The following ZNF536 variants were observed in gnomAD, a reference collection of about 807,000 sequenced individuals.
The protein encoded by ZNF536 is zinc finger protein 536.
In ZNF536, 13 loss-of-function variants were observed where a neutral mutation model predicts 84.5. That is an observed-to-expected ratio of 0.15 (90% CI 0.10 to 0.24). The LOEUF (loss-of-function observed/expected upper bound fraction) is 0.24, where lower values mean the gene tolerates loss of function less well. ZNF536 is among the 10% of genes least tolerant of loss of function. The pLI, the probability that ZNF536 is intolerant of heterozygous loss-of-function variation, is 1.00. For synonymous variants in ZNF536, 811 were observed against 742.5 expected (o/e 1.09, Z -1.50); for missense variants, 1,536 against 1,747.5 (o/e 0.88, Z 2.16).
intron 1 of ZNF536, among the ~76,000 whole-genome samples, chr19:30,621,036 G>A (rs952062913): frequency 1.4e-4 from 21 of 152,044 alleles, no homozygotes; most frequent in Non-Finnish European, 2.9e-5. Flanking sequence ...GACAATATTT[G>A]TGATAAATAG....
At chr19:30,242,333 T>G (rs759609214) in intron 1 of ZNF536, among the ~76,000 whole-genome samples, 1 of 152,172 alleles carries the variant, frequency 6.6e-6, no homozygotes, top group Non-Finnish European at 1.5e-5. Context: ...GAGTCTGTGA[T>G]GCCTGGCTCC....
chr19:30,628,372 G>T (rs529976484), intron 1 of ZNF536, among the ~76,000 whole-genome samples: 9 of 151,794 alleles, frequency 5.9e-5, no homozygotes, highest in Non-Finnish European at 8.8e-5. Context: ...GCTCTGCACC[G>T]AGGAGGACAG....
intron 2 of ZNF536, among the ~76,000 whole-genome samples, chr19:30,505,202 CT>C (rs2055117345): frequency 6.8e-6 from 1 of 146,778 alleles, no homozygotes; most frequent in Admixed American, 6.8e-5. Context: ...ATTATTCTCT[CT>C]ATATATTATA....
intron 2 of ZNF536, among the ~76,000 whole-genome samples, chr19:30,288,990 G>C (rs2045741108): frequency 6.6e-6 from 1 of 152,180 alleles, no homozygotes; most frequent in African/African-American, 2.4e-5. Flanking sequence ...TTGGGACCTT[G>C]GTTAGCAAGT....
At chr19:30,271,263 ATGCTTCTGGAAGCTTTCCCTGTGTT>A (rs1171603457) in intron 1 of ZNF536, among the ~76,000 whole-genome samples, 20 of 142,320 alleles carry the variant, frequency 1.4e-4, no homozygotes, top group African/African-American at 5.4e-4. Context: ...TGCAGAGTAC[ATGCTTCTGGAAGCTTTCCCTGTGTT>A]TTTTTCTTTT....
In ZNF536 at chr19:30,664,250, CTCTCTCTCT is replaced by C. The variant is rs1280758440; in HGVS notation, c.170-46506_170-46498del. Among the ~76,000 whole-genome samples the C allele has an allele frequency of 5.4e-5, 8 of 146,888 alleles. No homozygotes were observed. The Admixed American group carries it at 5.5e-4, about 10-fold the overall frequency. ...TCTCTCTCTCTCTCTCTCTCTCTCTCTCTCTCTCTCTCCCTCTCCCTCTCTCCCTCTCTC... is the reference window on the plus strand; with the variant it reads ...TCTCTCTCTCTCTCTCTCTCTCTCTCCTCCCTCTCCCTCTCTCCCTCTCTC... On this transcript the variant is annotated intron_variant, in intron 1 of 1. Transcript: ENST00000592773.
At chr19:30,429,087 A>G (rs898957698) in intron 1 of ZNF536, among the ~76,000 whole-genome samples, 4 of 152,106 alleles carry the variant, frequency 2.6e-5, no homozygotes, top group African/African-American at 9.7e-5. Flanking sequence ...GGGGTGGAGG[A>G]GGCTATAGAG....
chr19:30,599,020 TCCCTCCCTC>T (rs1185549834), intron 1 of ZNF536, among the ~76,000 whole-genome samples: 3 of 90,060 alleles, frequency 3.3e-5, no homozygotes, highest in Non-Finnish European at 6.1e-5. Flanking sequence ...TCTTCCTTCC[TCCCTCCCTC>T]CCTCCCTTCC....
chr19:30,506,300 C>T (rs537452585), intron 2 of ZNF536, among the ~76,000 whole-genome samples: 47 of 152,104 alleles, frequency 3.1e-4, no homozygotes, highest in Non-Finnish European at 5.4e-4. Flanking sequence ...CCTAAAGTTG[C>T]CCCTCTAGTT....
At chr19:30,395,617 A>G (rs1395096706) in intron 1 of ZNF536, among the ~76,000 whole-genome samples, 1 of 152,190 alleles carries the variant, frequency 6.6e-6, no homozygotes. Context: ...CTCTTCTGAC[A>G]ACAAGCTTTG....
chr19:30,535,480 G>A (rs564225161), intron 3 of ZNF536, among the ~76,000 whole-genome samples: 1 of 152,278 alleles, frequency 6.6e-6, no homozygotes. Context: ...GGACAGGGCA[G>A]CTGGAGTCCA....
intron 1 of ZNF536, among the ~76,000 whole-genome samples, chr19:30,666,973 C>T (rs1408258807): frequency 6.6e-6 from 1 of 152,052 alleles, no homozygotes; most frequent in Non-Finnish European, 1.5e-5. Context: ...GCTCATGTCT[C>T]CTGGGCCACA....
At chr19:30,253,449 G>A (rs970401910) in intron 1 of ZNF536, among the ~76,000 whole-genome samples, 5 of 152,120 alleles carry the variant, frequency 3.3e-5, no homozygotes, top group African/African-American at 1.2e-4. Context: ...GCAGTATTTC[G>A]GGGCCAGAGA....
chr19:30,617,661 C>T (rs1242086161), intron 1 of ZNF536, among the ~76,000 whole-genome samples: 1 of 151,978 alleles, frequency 6.6e-6, no homozygotes, highest in Non-Finnish European at 1.5e-5. Flanking sequence ...GAATAGCTTA[C>T]ATTTTAAGGA....
intron 2 of ZNF536, among the ~76,000 whole-genome samples, chr19:30,338,494 G>GACA (rs1273458263): frequency 1.3e-4 from 19 of 151,684 alleles, no homozygotes; most frequent in African/African-American, 4.6e-4. Flanking sequence ...TGATGATGAT[G>GACA]ATGATGATGA....
rs570135532 is a variant in ZNF536, at chr19:30,623,437, A to G, written c.169+73923A>G. 3.3e-5 allele frequency among the ~76,000 whole-genome samples: 5 copies of G among 152,330 alleles called. No individual in the cohort carries two copies. The South Asian group carries it at 1.0e-3, about 32-fold the overall frequency. On this transcript the variant is annotated intron_variant, in intron 1 of 1. Coordinates refer to the ZNF536 transcript ENST00000592773. ...GCCAAGGCAGTGGCCAGCAATCCCC[A>G]TGCAATCTGGCTTGCCACTATGCCC...
intron 1 of ZNF536, among the ~76,000 whole-genome samples, chr19:30,408,023 G>A (rs2050335409): frequency 6.6e-6 from 1 of 152,272 alleles, no homozygotes; most frequent in East Asian, 1.9e-4. Context: ...ATGAGTACCT[G>A]CCTTGGCCCA....
At chr19:30,264,177 C>G (rs1398407759) in intron 1 of ZNF536, among the ~76,000 whole-genome samples, 1 of 152,204 alleles carries the variant, frequency 6.6e-6, no homozygotes, top group African/African-American at 2.4e-5. Flanking sequence ...TTAAATGGTG[C>G]TAATCAGCCC....
At chr19:30,267,277 C>T (rs1386793108) in intron 1 of ZNF536, among the ~76,000 whole-genome samples, 1 of 152,122 alleles carries the variant, frequency 6.6e-6, no homozygotes, top group Non-Finnish European at 1.5e-5. Flanking sequence ...ATTAGAGATA[C>T]ATAATTTCAA....
Sources: gnomAD v4.1 joint callset for allele counts (sites outside exome capture counted in the v4.1 genomes callset) on GRCh38, gnomAD v4.1.1 for gene constraint, MANE v1.5 for transcripts, NCBI Gene and HGNC (gene_info 2026-07-23, HGNC 2026-07-21) for gene names.